ATF1: variants seen among roughly 807,000 people sequenced by gnomAD.
ATF1 encodes activating transcription factor 1.
A neutral mutation model predicts 34.7 loss-of-function variants in ATF1; 16 were observed. The observed-to-expected ratio is 0.46, with a 90% CI of 0.31 to 0.70. The LOEUF is 0.70. ATF1 is among the 30% of genes least tolerant of loss of function. The pLI is 0.05. For missense variants in ATF1, 255 were observed against 321.6 expected, an observed-to-expected ratio of 0.79 and a Z score of 1.58; for synonymous variants, 105 against 113.1, an observed-to-expected ratio of 0.93 and a Z score of 0.46.
chr12:50,763,922 C>G (rs1940554708), upstream of ATF1, among the ~76,000 whole-genome samples: 1 of 152,226 alleles, frequency 6.6e-6, no homozygotes, highest in African/African-American at 2.4e-5. Context: ...CCCCTAGCCA[C>G]AAGTCAGGAC....
At chr12:50,802,430 C>T (rs958412120) in intron 3 of ATF1, among the ~76,000 whole-genome samples, 5 of 152,124 alleles carry the variant, frequency 3.3e-5, no homozygotes, top group East Asian at 1.9e-4. Flanking sequence ...GATGCTGAGG[C>T]GGGATAATCG....
At chr12:50,798,345 G>A (rs947799463) in intron 3 of ATF1, among the ~76,000 whole-genome samples, 8 of 150,950 alleles carry the variant, frequency 5.3e-5, no homozygotes, top group African/African-American at 1.9e-4. Context: ...GTCTCGCTCT[G>A]TCATCCAGGC....
At chr12:50,803,030 G>A (rs1019456027) in intron 3 of ATF1, among the ~76,000 whole-genome samples, 15 of 151,876 alleles carry the variant, frequency 9.9e-5, no homozygotes, top group Admixed American at 8.5e-4. Context: ...GGAGGCCAAG[G>A]TGGGTGGATC....
chr12:50,772,635 C>T (rs922763019), intron 1 of ATF1, among the ~76,000 whole-genome samples: 8 of 151,956 alleles, frequency 5.3e-5, no homozygotes, highest in Non-Finnish European at 7.4e-5. Flanking sequence ...CAAGTTGTCC[C>T]ATTTCTAAAG....
At chr12:50,765,562 T>TCA in intron 1 of ATF1, among the ~76,000 whole-genome samples, 5 of 152,310 alleles carry the variant, frequency 3.3e-5, no homozygotes, top group African/African-American at 1.2e-4. Flanking sequence ...GTCAGAGGCG[T>TCA]GTGAACTAGA....
At chr12:50,791,565 A>G (rs1941303391) in intron 2 of ATF1, among the ~76,000 whole-genome samples, 1 of 152,032 alleles carries the variant, frequency 6.6e-6, no homozygotes, top group Non-Finnish European at 1.5e-5. Context: ...AAAAAAAAAA[A>G]GAAAAACAGG....
At chr12:50,815,872 C>A (rs1210807084) in intron 6 of ATF1, among the ~76,000 whole-genome samples, 1 of 152,158 alleles carries the variant, frequency 6.6e-6, no homozygotes, top group Non-Finnish European at 1.5e-5. Flanking sequence ...AACTATGTGT[C>A]CATCAGTGGA....
chr12:50,780,273 T>A, intron 2 of ATF1, 35 bp downstream of exon 2: 1 of 1,486,248 alleles, frequency 6.7e-7, no homozygotes, highest in African/African-American at 1.4e-5. Flanking sequence ...CTGAGCTTGT[T>A]AGGAATATTT....
In ATF1 at chr12:50,814,045, A is replaced by G; in HGVS notation, c.364A>G (p.Ser122Gly). 1 of 1,613,634 alleles carries G rather than the reference A, an allele frequency of 6.2e-7. No homozygotes were observed. The highest frequency in any genetic ancestry group is 8.5e-7 in the Non-Finnish European group (1 of 1,179,914). Residue 122 changes from serine (S) to glycine (G), a missense_variant, in exon 5 of 7, where the codon AGT (serine) becomes GGT (glycine). Coordinates refer to ENST00000262053, the MANE Select transcript of ATF1 (RefSeq NM_005171.5). ...CCCAAATGGAGCCTTACAGTTGGCA[A>G]GTCCAGGCACAGATGGAGTACAGGG... ...IAPNGALQLA[S>G]PGTDGVQGLQ... is the part of the protein sequence containing the mutation.
At chr12:50,797,256 A>T (rs1468909995) in intron 3 of ATF1, among the ~76,000 whole-genome samples, 1 of 152,232 alleles carries the variant, frequency 6.6e-6, no homozygotes, top group Non-Finnish European at 1.5e-5. Flanking sequence ...TCTCAGCATA[A>T]GAAAGCAAGG....
intron 2 of ATF1, among the ~76,000 whole-genome samples, chr12:50,790,854 A>G (rs1465823114): frequency 6.6e-6 from 1 of 152,088 alleles, no homozygotes; most frequent in South Asian, 2.1e-4. Flanking sequence ...AGGCCCAAAG[A>G]AAGATTTCTA....
In ATF1 at chr12:50,819,725, T is replaced by C; in HGVS notation, c.762T>C (p.Thr254=). The C allele has an allele frequency of 6.2e-7, 1 of 1,603,836 alleles. No individual in the cohort carries two copies. Among genetic ancestry groups the C allele is most frequent in the Non-Finnish European group, 8.5e-7 (1 of 1,172,488 alleles). Residue 254 remains threonine (T), a synonymous_variant, in exon 7 of 7, where the codon ACT becomes ACC. Transcript: ENST00000262053. The part of the protein sequence containing the change: ...RVAVLENQNK[T]LIEELKTLKD... ...CAGTCCTGGAAAATCAAAATAAAAC[T>C]CTAATAGAAGAGTTAAAAACTTTGA... is the stretch of plus-strand genomic sequence containing the variant.
At chr12:50,773,748 C>A (rs971205796) in intron 1 of ATF1, among the ~76,000 whole-genome samples, 15 of 152,046 alleles carry the variant, frequency 9.9e-5, no homozygotes, top group African/African-American at 3.4e-4. Context: ...CACCACCACG[C>A]CTGGCTAATT....
At chr12:50,812,041 C>T (rs1036138944) in intron 4 of ATF1, among the ~76,000 whole-genome samples, 5 of 152,074 alleles carry the variant, frequency 3.3e-5, no homozygotes, top group Non-Finnish European at 7.4e-5. Flanking sequence ...GCTGGTGGGA[C>T]TGAGAAACTG....
At chr12:50,787,094 G>A (rs146751345) in intron 2 of ATF1, among the ~76,000 whole-genome samples, 2 of 152,114 alleles carry the variant, frequency 1.3e-5, no homozygotes, top group African/African-American at 2.4e-5. Context: ...CCTTCCCTAC[G>A]CACACACACA....
At position 50,764,933 on chromosome 12, in the gene ATF1, A is replaced by G. The variant is rs191845838; in HGVS notation, c.-7+626A>G. On this transcript the variant is annotated intron_variant, in intron 1 of 6. Coordinates refer to ENST00000262053, the MANE Select transcript of ATF1 (RefSeq NM_005171.5). ...TTTACCCCTGGCTAGGAATGACACAAGGGCGTCTGTACCCTTTGGGATGGG... is the reference window on the plus strand; with the variant it reads ...TTTACCCCTGGCTAGGAATGACACAGGGGCGTCTGTACCCTTTGGGATGGG... Among the ~76,000 whole-genome samples the G allele has an allele frequency of 3.1e-3, 468 of 152,200 alleles. 1 individual carries two copies. The highest frequency in any genetic ancestry group is 0.011 in the African/African-American group (455 of 41,540).
intron 3 of ATF1, among the ~76,000 whole-genome samples, chr12:50,798,081 G>A (rs779601431): frequency 8.6e-5 from 13 of 151,444 alleles, no homozygotes; most frequent in Non-Finnish European, 1.5e-4. Flanking sequence ...CCCAGGGGGC[G>A]GAGGCTGCAG....
At chr12:50,766,691 G>A (rs540373070) in intron 1 of ATF1, among the ~76,000 whole-genome samples, 75 of 143,040 alleles carry the variant, frequency 5.2e-4, no homozygotes, top group Admixed American at 1.4e-3. Context: ...AGAGCTGATG[G>A]GACTGCTGGA....
At chr12:50,783,816 G>A (rs965961870) in intron 2 of ATF1, among the ~76,000 whole-genome samples, 1 of 147,556 alleles carries the variant, frequency 6.8e-6, no homozygotes, top group Non-Finnish European at 1.5e-5. Flanking sequence ...GCAGTGAGCC[G>A]AGATCATACC....
Sources: gnomAD v4.1 joint callset for allele counts (sites outside exome capture counted in the v4.1 genomes callset) on GRCh38, gnomAD v4.1.1 for gene constraint, MANE v1.5 for transcripts, NCBI Gene and HGNC (gene_info 2026-07-23, HGNC 2026-07-21) for gene names.